RIF1: variants seen among roughly 807,000 people sequenced by gnomAD.
RIF1 encodes the protein telomere-associated protein RIF1.
RIF1 carries 45 observed loss-of-function variants against 247.1 expected under a neutral mutation model. The observed-to-expected ratio is 0.18, with a 90% CI of 0.14 to 0.23. The LOEUF (loss-of-function observed/expected upper bound fraction) is 0.23, where lower values mean the gene tolerates loss of function less well. Among genes scored for constraint, RIF1 ranks in the 10% least tolerant of loss-of-function variants. The probability of loss-of-function intolerance (pLI) is 1.00; values close to 1 mark genes in which losing one functional copy is unlikely to be tolerated. For synonymous variants in RIF1, 1,087 were observed against 978.8 expected (o/e 1.11, Z -2.06); for missense variants, 2,967 against 2,862.5 (o/e 1.04, Z -0.83).
chr2:151,425,971 G>C (rs949461999), intron 8 of RIF1, among the ~76,000 whole-genome samples: 5 of 151,192 alleles, frequency 3.3e-5, no homozygotes, highest in African/African-American at 7.3e-5. Context: ...GAGCCACCGC[G>C]CCTGGCCTGT....
rs370517747 is a variant in RIF1 at position 151,460,637 on chromosome 2, GTGAAA to G, written c.3076-495_3076-491del. On this transcript the variant is annotated intron_variant, in intron 26 of 35. Transcript: ENST00000444746. ...CTAGAATCTTGAGACCATGGCCCTGGTGAAATGAAAGAAAAGTGTTATTTTTTAAG... is the reference window on the plus strand; with the variant it reads ...CTAGAATCTTGAGACCATGGCCCTGGTGAAAGAAAAGTGTTATTTTTTAAG... Among the ~76,000 whole-genome samples the G allele has an allele frequency of 4.2e-3, 632 of 152,282 alleles. 5 individuals are homozygous for G. Among genetic ancestry groups the G allele is most frequent in the African/African-American group, 0.014 (594 of 41,552 alleles).
chr2:151,506,388 G>A, intron 13 of RIF1: 1 of 679,422 alleles, frequency 1.5e-6, no homozygotes, highest in Non-Finnish European at 2.6e-6. Context: ...AAGTGCCAGA[G>A]CATCGCACCT....
downstream of RIF1, among the ~76,000 whole-genome samples, chr2:151,511,728 ACTTTT>A (rs1440167063): frequency 2.6e-5 from 4 of 152,194 alleles, no homozygotes; most frequent in East Asian, 7.7e-4. Context: ...AGGATGGCCT[ACTTTT>A]CTTCATCTCT....
chr2:151,526,243 T>C, the RIF1 span: 1 of 1,611,992 alleles, frequency 6.2e-7, no homozygotes, highest in African/African-American at 1.3e-5. Flanking sequence ...TTCCTTGACA[T>C]GTTTCTCTTT....
intron 9 of RIF1, among the ~76,000 whole-genome samples, chr2:151,430,632 T>A (rs1160053326): frequency 6.6e-6 from 1 of 152,106 alleles, no homozygotes; most frequent in Non-Finnish European, 1.5e-5. Flanking sequence ...ATAATTACTT[T>A]TATTTAAAAT....
chr2:151,501,525 C>G (rs1295024659), intron 11 of RIF1: 9 of 1,185,004 alleles, frequency 7.6e-6, no homozygotes, highest in Non-Finnish European at 1.0e-5. Flanking sequence ...CTGGACCCAT[C>G]ATTTTTTAGG....
At chr2:151,429,860 G>T (rs1689759289) in intron 9 of RIF1, among the ~76,000 whole-genome samples, 1 of 152,098 alleles carries the variant, frequency 6.6e-6, no homozygotes, top group African/African-American at 2.4e-5. Context: ...ACTTAACTAG[G>T]TGGTAGTTAA....
Position 151,493,173 on chromosome 2 carries a change from A to G in RIF1, c.*416-2056A>G, listed in dbSNP as rs528950893. 4.7e-5 allele frequency: 26 copies of G among 556,884 alleles called. No individual in the cohort carries two copies. In the African/African-American group the frequency reaches 4.8e-4, roughly 10 times the overall value. 34.5% of individuals were successfully genotyped at this position (556,884 alleles called of 1,614,324 possible). A position where few individuals can be genotyped will look rare whatever the true frequency, so the allele number is the denominator to read the frequency against. On this transcript the variant is annotated intron_variant and NMD_transcript_variant, in intron 9 of 13. Coordinates refer to the RIF1 transcript ENST00000454583. ...ACAGTTAATGTCTATTTTAGTGTAA[A>G]TTTTCAGTTGAATAAGTGCAAATTT...
At chr2:151,507,129 A>T in intron 13 of RIF1, 1 of 663,290 alleles carries the variant, frequency 1.5e-6, no homozygotes, top group Non-Finnish European at 2.6e-6. Flanking sequence ...AAGTCTATGC[A>T]CAATAATTAT....
chr2:151,503,303 A>C (rs2066144297), intron 12 of RIF1: 2 of 1,415,388 alleles, frequency 1.4e-6, no homozygotes, highest in Non-Finnish European at 9.9e-7. Flanking sequence ...TATTGTGGTA[A>C]ATTTTTTATG....
At chr2:151,467,011 T>C (rs1277736613) in intron 30 of RIF1, among the ~76,000 whole-genome samples, 1 of 152,120 alleles carries the variant, frequency 6.6e-6, no homozygotes, top group Non-Finnish European at 1.5e-5. Flanking sequence ...GTGGATCACC[T>C]GAGGGTCGGG....
intron 10 of RIF1, chr2:151,496,886 C>A (rs1449231867): frequency 1.3e-5 from 19 of 1,463,338 alleles, no homozygotes; most frequent in Admixed American, 2.0e-5. Flanking sequence ...TATTTTAAAT[C>A]ATGAAATAGT....
chr2:151,427,802 C>T (rs974083343), intron 8 of RIF1, among the ~76,000 whole-genome samples: 1 of 147,058 alleles, frequency 6.8e-6, no homozygotes, highest in Non-Finnish European at 1.5e-5. Context: ...TGGTGGCTCA[C>T]GCCTGTAATC....
Position 151,434,181 on chromosome 2 carries a change from A to AG in RIF1, c.1077+953_1077+954insG, listed in dbSNP as rs1000509595. On this transcript the variant is annotated intron_variant, in intron 10 of 35. Coordinates refer to ENST00000444746, the MANE Select transcript of RIF1 (RefSeq NM_018151.5). Reference sequence around the variant, plus strand: ...AGACTCCATCTCAAAAAAAAAAAAAAAGAGAGAAATCAAGTGCTACACTGG... The same window carrying AG: ...AGACTCCATCTCAAAAAAAAAAAAAAGAGAGAGAAATCAAGTGCTACACTGG... Among the ~76,000 whole-genome samples, 53 of 147,318 alleles carry AG rather than the reference A, an allele frequency of 3.6e-4. No homozygotes were observed. The East Asian group carries it at 6.4e-3, about 18-fold the overall frequency.
At chr2:151,531,308 C>CTTTTTTTTTTTT in the RIF1 span, among the ~76,000 whole-genome samples, 11 of 84,026 alleles carry the variant, frequency 1.3e-4, no homozygotes, top group South Asian at 4.4e-4. Flanking sequence ...TTTTTTCTTT[C>CTTTTTTTTTTTT]TTTTTTTTTT....
chr2:151,482,824 G>A (rs1243763635), downstream of RIF1, among the ~76,000 whole-genome samples: 1 of 152,130 alleles, frequency 6.6e-6, no homozygotes, highest in Admixed American at 6.5e-5. Context: ...GGTATCAGCA[G>A]GGTTTGTTCC....
the RIF1 span, chr2:151,532,129 C>T: frequency 5.4e-6 from 2 of 367,734 alleles, no homozygotes; most frequent in South Asian, 6.7e-5. Flanking sequence ...CGGAGTCTTA[C>T]TCTGTCACCC....
At chr2:151,470,179 C>A (rs1205914747) in intron 34 of RIF1, among the ~76,000 whole-genome samples, 1 of 151,352 alleles carries the variant, frequency 6.6e-6, no homozygotes, top group African/African-American at 2.4e-5. Context: ...GTTTGGATGC[C>A]TACCACATTT....
rs757360324 is a variant in RIF1, at chr2:151,502,865, C to G, written c.*710-169C>G. On this transcript the variant is annotated intron_variant and NMD_transcript_variant, in intron 11 of 13. Transcript: ENST00000454583. Reference sequence around the variant, plus strand: ...TGATAGGTGTTGGGATTCCTTTCCCCAAATTTTCTTTGTACAAAACCTGTG... The same window carrying G: ...TGATAGGTGTTGGGATTCCTTTCCCGAAATTTTCTTTGTACAAAACCTGTG... The G allele has an allele frequency of 6.2e-7, 1 of 1,601,428 alleles. No homozygotes were observed. Among genetic ancestry groups the G allele is most frequent in the Admixed American group, 1.7e-5 (1 of 58,710 alleles).
Sources: gnomAD v4.1 joint callset for allele counts (sites outside exome capture counted in the v4.1 genomes callset) on GRCh38, gnomAD v4.1.1 for gene constraint, MANE v1.5 for transcripts, NCBI Gene and HGNC (gene_info 2026-07-23, HGNC 2026-07-21) for gene names.